Variants in CLEC16A observed in about 807,000 individuals in gnomAD.
CLEC16A encodes protein CLEC16A.
A neutral mutation model predicts 109.5 loss-of-function variants in CLEC16A; 51 were observed. That is an observed-to-expected ratio of 0.47 (90% CI 0.37 to 0.59). CLEC16A has a LOEUF of 0.59. CLEC16A is among the 20% of genes least tolerant of loss of function. CLEC16A has a pLI of 0.00. For synonymous variants in CLEC16A, 673 were observed against 564.2 expected (o/e 1.19, Z -2.73); for missense variants, 1,339 against 1,394.0 (o/e 0.96, Z 0.63).
At chr16:11,038,807 ATTAC>A in intron 13 of CLEC16A, among the ~76,000 whole-genome samples, 1 of 152,102 alleles carries the variant, frequency 6.6e-6, no homozygotes, top group African/African-American at 2.4e-5. Flanking sequence ...AAAAACTGCA[ATTAC>A]TTTTGTGCCA....
intron 22 of CLEC16A, among the ~76,000 whole-genome samples, chr16:11,154,770 C>G (rs2054440922): frequency 6.6e-6 from 1 of 151,738 alleles, no homozygotes; most frequent in Non-Finnish European, 1.5e-5. Context: ...ACTAAAAATA[C>G]AAAAAAATTA....
Position 11,090,530 on chromosome 16 carries a change from C to G in CLEC16A, c.2116+29508C>G, listed in dbSNP as rs537257674. Among the ~76,000 whole-genome samples the G allele has an allele frequency of 4.6e-5, 7 of 152,320 alleles. No homozygotes were observed. The South Asian group carries it at 1.2e-3, about 27-fold the overall frequency. ...TGTGTGAAGCCTTCACAGTGGACCACTTTCCTATTACATTTCTCCGCAACT... is the reference window on the plus strand; with the variant it reads ...TGTGTGAAGCCTTCACAGTGGACCAGTTTCCTATTACATTTCTCCGCAACT... On this transcript the variant is annotated intron_variant, in intron 19 of 23. Transcript: ENST00000409790.
intron 19 of CLEC16A, among the ~76,000 whole-genome samples, chr16:11,116,000 C>T (rs1038675763): frequency 1.1e-4 from 16 of 151,970 alleles, no homozygotes; most frequent in Non-Finnish European, 2.4e-4. Flanking sequence ...CATGAGCCAC[C>T]GTGCCCAGCC....
chr16:11,160,651 G>GT (rs2153087854), intron 22 of CLEC16A, among the ~76,000 whole-genome samples: 1 of 152,234 alleles, frequency 6.6e-6, no homozygotes, highest in East Asian at 1.9e-4. Context: ...CATTAACAAA[G>GT]TTTTTTCCCT....
At chr16:11,030,101 A>G (rs2046652019) in intron 13 of CLEC16A, among the ~76,000 whole-genome samples, 2 of 152,256 alleles carry the variant, frequency 1.3e-5, no homozygotes, top group South Asian at 2.1e-4. Flanking sequence ...TTATATGAAC[A>G]TACCACAGTT....
intron 15 of CLEC16A, among the ~76,000 whole-genome samples, chr16:11,043,788 C>T (rs566119545): frequency 1.3e-5 from 2 of 151,948 alleles, no homozygotes; most frequent in Admixed American, 6.6e-5. Flanking sequence ...TCACTTGAAC[C>T]TGGGAGGCGG....
chr16:11,130,577 G>A (rs1393662480), intron 22 of CLEC16A, among the ~76,000 whole-genome samples: 1 of 152,220 alleles, frequency 6.6e-6, no homozygotes, highest in Non-Finnish European at 1.5e-5. Flanking sequence ...GACACGGGGA[G>A]CCGGGCAGTG....
chr16:11,038,463 G>C (rs2047144176), intron 13 of CLEC16A, among the ~76,000 whole-genome samples: 1 of 152,128 alleles, frequency 6.6e-6, no homozygotes, highest in Non-Finnish European at 1.5e-5. Flanking sequence ...AGCAGATAAG[G>C]AGTTTGAAGA....
intron 15 of CLEC16A, among the ~76,000 whole-genome samples, chr16:11,042,638 A>AT (rs1411974968): frequency 5.0e-4 from 76 of 152,096 alleles, no homozygotes; most frequent in Admixed American, 1.5e-3. Context: ...GGATTTCTGA[A>AT]TTTTTTCTTT....
At chr16:11,074,912 C>T (rs1407245197) in intron 19 of CLEC16A, among the ~76,000 whole-genome samples, 3 of 152,102 alleles carry the variant, frequency 2.0e-5, no homozygotes, top group Non-Finnish European at 4.4e-5. Context: ...GTGGATCATG[C>T]CTATAATCCC....
At chr16:11,171,236 C>T (rs921841376) in intron 23 of CLEC16A, among the ~76,000 whole-genome samples, 4 of 152,184 alleles carry the variant, frequency 2.6e-5, no homozygotes, top group Non-Finnish European at 4.4e-5. Context: ...GGGACAGCCC[C>T]GAGGGGTCAC....
chr16:11,079,774 C>A (rs2152941927), intron 19 of CLEC16A, among the ~76,000 whole-genome samples: 1 of 152,290 alleles, frequency 6.6e-6, no homozygotes, highest in South Asian at 2.1e-4. Flanking sequence ...TCGACTCTCT[C>A]CCAGCTATGG....
At chr16:11,066,078 A>T (rs190393830) in intron 19 of CLEC16A, among the ~76,000 whole-genome samples, 1 of 152,256 alleles carries the variant, frequency 6.6e-6, no homozygotes, top group African/African-American at 2.4e-5. Context: ...CCTGGATGGA[A>T]GTCCCAGCTT....
Position 11,141,464 on chromosome 16 carries a change from G to A in CLEC16A, c.2641+15318G>A, listed in dbSNP as rs565056040. ...GCAAGTCACCCAGAGGGTTCATGCC[G>A]CCAGAGCACGGGGTGTGGGGGGCAC... is the stretch of plus-strand genomic sequence containing the variant. On this transcript the variant is annotated intron_variant, in intron 22 of 23. Transcript: ENST00000409790. 3.3e-5 allele frequency among the ~76,000 whole-genome samples: 5 copies of A among 152,362 alleles called. No homozygotes were observed. In the South Asian group the frequency reaches 6.2e-4, roughly 19 times the overall value.
intron 10 of CLEC16A, among the ~76,000 whole-genome samples, chr16:10,985,447 A>G (rs2043585784): frequency 6.6e-6 from 1 of 151,956 alleles, no homozygotes; most frequent in Non-Finnish European, 1.5e-5. Flanking sequence ...TGCCCCCATC[A>G]GATGAGGCGT....
At chr16:11,083,064 G>A (rs150333040) in intron 19 of CLEC16A, among the ~76,000 whole-genome samples, 3 of 152,358 alleles carry the variant, frequency 2.0e-5, no homozygotes, top group African/African-American at 7.2e-5. Flanking sequence ...GCCAGCCAAG[G>A]AGGTTTGCTT....
chr16:11,145,769 G>A (rs1196964290), intron 22 of CLEC16A, among the ~76,000 whole-genome samples: 1 of 152,254 alleles, frequency 6.6e-6, no homozygotes, highest in Non-Finnish European at 1.5e-5. Context: ...CCCCACTGTT[G>A]CTCTCCTTGC....
intron 19 of CLEC16A, among the ~76,000 whole-genome samples, chr16:11,089,450 C>T (rs114500289): frequency 5.6e-4 from 85 of 152,300 alleles, no homozygotes; most frequent in African/African-American, 1.9e-3. Context: ...CTTTTAGCAA[C>T]TCAGTTCACA....
intron 22 of CLEC16A, chr16:11,136,351 G>C (rs986145504): frequency 3.3e-5 from 5 of 152,224 alleles, no homozygotes; most frequent in African/African-American, 1.2e-4. Context: ...TGGGATACAA[G>C]TGTCACCTCA....
Sources: allele counts gnomAD v4.1 joint callset (sites outside exome capture counted in the v4.1 genomes callset), GRCh38; gene constraint gnomAD v4.1.1; transcripts MANE v1.5; gene names NCBI Gene and HGNC (gene_info 2026-07-23, HGNC 2026-07-21).